FAM135B: variants seen among roughly 807,000 people sequenced by gnomAD.
FAM135B encodes the protein family with sequence similarity 135 member B.
In FAM135B, 43 loss-of-function variants were observed where a neutral mutation model predicts 127.7. The observed-to-expected ratio is 0.34, with a 90% confidence interval of 0.26 to 0.43. The LOEUF (loss-of-function observed/expected upper bound fraction) is 0.43, where lower values mean the gene tolerates loss of function less well. Ranked by LOEUF, FAM135B falls within the 20% of genes least tolerant of loss-of-function variation. FAM135B has a pLI of 1.00. For missense variants in FAM135B, 1,558 were observed against 1,725.6 expected (o/e 0.90, Z 1.72); for synonymous variants, 670 against 665.1 (o/e 1.01, Z -0.11).
chr8:138,316,400 G>A lies in FAM135B; in HGVS notation c.78-5480C>T, dbSNP rs1034660310. Among the ~76,000 whole-genome samples the A allele has an allele frequency of 2.1e-3, 325 of 151,764 alleles. 3 individuals are homozygous for A. Among genetic ancestry groups the A allele is most frequent in the African/African-American group, 7.5e-3 (310 of 41,258 alleles). On this transcript the variant is annotated intron_variant, in intron 2 of 19. Coordinates refer to ENST00000395297, the MANE Select transcript of FAM135B (RefSeq NM_015912.4). ...TCCCAGCTACTCGGGAGGCTGAGGC[G>A]GGAGAATGGCGTGAACCCGGAAGGC...
At chr8:138,158,386 C>A (rs916041358) in intron 12 of FAM135B, among the ~76,000 whole-genome samples, 4 of 152,252 alleles carry the variant, frequency 2.6e-5, no homozygotes, top group African/African-American at 9.6e-5. Flanking sequence ...AGGACATAGA[C>A]ATGTGCAAGG....
At chr8:138,162,781 GT>G (rs1819522744) in intron 12 of FAM135B, among the ~76,000 whole-genome samples, 1 of 152,210 alleles carries the variant, frequency 6.6e-6, no homozygotes, top group South Asian at 2.1e-4. Flanking sequence ...TCATTCCCAC[GT>G]GGATGGAACA....
At chr8:138,149,447 A>G (rs1274157439) in intron 13 of FAM135B, among the ~76,000 whole-genome samples, 1 of 152,110 alleles carries the variant, frequency 6.6e-6, no homozygotes, top group Admixed American at 6.6e-5. Flanking sequence ...CTCTGCATGA[A>G]CTACATGACT....
chr8:138,272,001 GT>G (rs59243425), intron 3 of FAM135B, among the ~76,000 whole-genome samples: 2,062 of 138,416 alleles, frequency 0.015, 34 homozygotes, highest in East Asian at 0.088. Context: ...GACTCCAAAT[GT>G]TTTTTTTTTT....
At chr8:138,479,199 T>C (rs1814660121) in intron 1 of FAM135B, among the ~76,000 whole-genome samples, 1 of 152,224 alleles carries the variant, frequency 6.6e-6, no homozygotes. Context: ...CTTCCACGTG[T>C]TCACCAACCA....
At chr8:138,423,601 T>C (rs998805030) in intron 1 of FAM135B, among the ~76,000 whole-genome samples, 5 of 151,988 alleles carry the variant, frequency 3.3e-5, no homozygotes, top group African/African-American at 7.3e-5. Flanking sequence ...GATAATAGAA[T>C]ATCACAAGGC....
chr8:138,222,302 C>T (rs10102029), intron 7 of FAM135B, among the ~76,000 whole-genome samples: 6,575 of 152,130 alleles, frequency 0.043, 463 homozygotes, highest in African/African-American at 0.15. Context: ...GAATGGCAAT[C>T]GCCTGCCCAC....
chr8:138,382,324 C>A (rs536279720), intron 1 of FAM135B, among the ~76,000 whole-genome samples: 1 of 152,294 alleles, frequency 6.6e-6, no homozygotes, highest in African/African-American at 2.4e-5. Flanking sequence ...CTTCCCTGTG[C>A]TCTGCTTAAT....
intron 1 of FAM135B, among the ~76,000 whole-genome samples, chr8:138,433,844 G>A (rs972214969): frequency 1.3e-5 from 2 of 152,302 alleles, no homozygotes; most frequent in Non-Finnish European, 2.9e-5. Context: ...AAAACCCGTG[G>A]CAATAGCCCA....
chr8:138,395,468 A>G (rs960510171), intron 1 of FAM135B, among the ~76,000 whole-genome samples: 51 of 152,160 alleles, frequency 3.4e-4, no homozygotes, highest in African/African-American at 1.1e-3. Flanking sequence ...TGTATCCACC[A>G]TCGGCTACTT....
At chr8:138,489,129 C>T (rs888664301) in intron 1 of FAM135B, among the ~76,000 whole-genome samples, 1 of 152,186 alleles carries the variant, frequency 6.6e-6, no homozygotes, top group African/African-American at 2.4e-5. Context: ...TTCCGCCAAA[C>T]TCTTTTCTGA....
chr8:138,198,796 G>A (rs1816867459), intron 7 of FAM135B, among the ~76,000 whole-genome samples: 2 of 141,192 alleles, frequency 1.4e-5, no homozygotes, highest in South Asian at 5.0e-4. Context: ...CAACTCAACA[G>A]AGAAGGATGT....
chr8:138,280,785 A>C (rs528700416), intron 3 of FAM135B, among the ~76,000 whole-genome samples: 2 of 152,334 alleles, frequency 1.3e-5, no homozygotes, highest in Admixed American at 6.5e-5. Context: ...GGAGGAGAGC[A>C]CTAGGAGTAT....
chr8:138,329,211 T>C lies in FAM135B; in HGVS notation c.78-18291A>G, dbSNP rs528842287. On this transcript the variant is annotated intron_variant, in intron 2 of 19. Coordinates refer to ENST00000395297, the MANE Select transcript of FAM135B (RefSeq NM_015912.4). ...AGATGGAAAGACAGGTAGAGAGAAA[T>C]GGAGAGAGAGAGACGATAGAGGAAC... 4.2e-4 allele frequency among the ~76,000 whole-genome samples: 64 copies of C among 152,100 alleles called. 1 individual carries two copies. The highest frequency in any genetic ancestry group is 1.5e-3 in the African/African-American group (63 of 41,488).
chr8:138,276,402 G>C (rs1449743015), intron 3 of FAM135B, among the ~76,000 whole-genome samples: 1 of 152,184 alleles, frequency 6.6e-6, no homozygotes, highest in Non-Finnish European at 1.5e-5. Context: ...GCCTTAGTTG[G>C]AGGTCACAGA....
At chr8:138,361,878 T>C (rs928939542) in intron 2 of FAM135B, among the ~76,000 whole-genome samples, 3 of 152,196 alleles carry the variant, frequency 2.0e-5, no homozygotes, top group Non-Finnish European at 4.4e-5. Flanking sequence ...GAGACTGCAT[T>C]CCTCCTTCTC....
chr8:138,438,232 G>A (rs895250439), intron 1 of FAM135B: 4 of 152,086 alleles, frequency 2.6e-5, no homozygotes, highest in Non-Finnish European at 4.4e-5. Context: ...GCTCTCAAGC[G>A]AGAAGGAGCT....
At chr8:138,463,992 G>C (rs548974859) in intron 1 of FAM135B, among the ~76,000 whole-genome samples, 1 of 152,318 alleles carries the variant, frequency 6.6e-6, no homozygotes, top group African/African-American at 2.4e-5. Flanking sequence ...AACTGCATGA[G>C]ATTATCAGTA....
intron 7 of FAM135B, among the ~76,000 whole-genome samples, chr8:138,212,054 A>G (rs1309529008): frequency 6.6e-6 from 1 of 152,168 alleles, no homozygotes; most frequent in African/African-American, 2.4e-5. Flanking sequence ...GGTGACAGAA[A>G]GACATTGTCT....
Sources: gnomAD v4.1 joint callset for allele counts (sites outside exome capture counted in the v4.1 genomes callset) on GRCh38, gnomAD v4.1.1 for gene constraint, MANE v1.5 for transcripts, NCBI Gene and HGNC (gene_info 2026-07-23, HGNC 2026-07-21) for gene names.